SHISA9: variants seen among roughly 807,000 people sequenced by gnomAD.
SHISA9 encodes the protein protein shisa-9.
SHISA9 carries 13 observed loss-of-function variants against 38.0 expected under a neutral mutation model. The ratio of observed to expected loss-of-function variants is 0.34; its 90% confidence interval spans 0.22 to 0.54. The LOEUF (loss-of-function observed/expected upper bound fraction) is 0.54, where lower values mean the gene tolerates loss of function less well. Among genes scored for constraint, SHISA9 ranks in the 20% least tolerant of loss-of-function variants. The pLI is 0.91. For missense variants in SHISA9, 538 were observed against 575.8 expected (o/e 0.93, Z 0.67); for synonymous variants, 275 against 242.0 (o/e 1.14, Z -1.27).
the SHISA9 span, among the ~76,000 whole-genome samples, chr16:13,247,410 T>C: frequency 1.3e-5 from 2 of 152,132 alleles, no homozygotes; most frequent in South Asian, 2.1e-4. Context: ...GGTTCATAAC[T>C]CCATTTTAAA....
the SHISA9 span, among the ~76,000 whole-genome samples, chr16:13,314,466 C>T: frequency 2.6e-5 from 4 of 152,084 alleles, no homozygotes; most frequent in Admixed American, 1.3e-4. Context: ...TCTCAAACTC[C>T]TGACCTTTGG....
chr16:13,539,503 G>A, the SHISA9 span, among the ~76,000 whole-genome samples: 2 of 151,618 alleles, frequency 1.3e-5, no homozygotes, highest in African/African-American at 4.8e-5. Flanking sequence ...GTTGACATTA[G>A]CATGTCATGT....
At chr16:13,013,851 C>A (rs1215588064) in intron 2 of SHISA9, among the ~76,000 whole-genome samples, 1 of 152,172 alleles carries the variant, frequency 6.6e-6, no homozygotes, top group African/African-American at 2.4e-5. Context: ...CCTCAGCCTC[C>A]TGAGTAGCTG....
chr16:13,499,414 A>C, the SHISA9 span, among the ~76,000 whole-genome samples: 2 of 152,208 alleles, frequency 1.3e-5, no homozygotes, highest in African/African-American at 4.8e-5. Flanking sequence ...AGTGTTATTT[A>C]AGATTAAATG....
At chr16:13,197,104 T>TATACACACACACACACAC (rs748572860) in intron 2 of SHISA9, among the ~76,000 whole-genome samples, 18 of 106,578 alleles carry the variant, frequency 1.7e-4, no homozygotes, top group Admixed American at 4.3e-4. Context: ...TCTCTGTACA[T>TATACACACACACACACAC]ACACACACAC....
intron 2 of SHISA9, among the ~76,000 whole-genome samples, chr16:13,073,861 G>A (rs980654590): frequency 2.6e-5 from 4 of 152,020 alleles, no homozygotes; most frequent in South Asian, 2.1e-4. Context: ...CATGGGACAG[G>A]TTCTCCTGCA....
chr16:13,159,486 C>G (rs1165607654), intron 2 of SHISA9, among the ~76,000 whole-genome samples: 1 of 152,204 alleles, frequency 6.6e-6, no homozygotes, highest in Non-Finnish European at 1.5e-5. Flanking sequence ...GTTTGGTTCT[C>G]AGGAGGAGGT....
chr16:13,109,382 C>G (rs536545182), intron 2 of SHISA9, among the ~76,000 whole-genome samples: 2 of 152,254 alleles, frequency 1.3e-5, no homozygotes, highest in East Asian at 3.9e-4. Flanking sequence ...CTCATTCACT[C>G]ATTTCTCCTT....
At chr16:12,959,471 C>G (rs2071879900) in intron 2 of SHISA9, among the ~76,000 whole-genome samples, 1 of 152,226 alleles carries the variant, frequency 6.6e-6, no homozygotes, top group South Asian at 2.1e-4. Context: ...AATCACCCCT[C>G]TACTGTCCAC....
intron 2 of SHISA9, among the ~76,000 whole-genome samples, chr16:12,957,774 C>A (rs1353251239): frequency 5.3e-5 from 8 of 152,098 alleles, no homozygotes; most frequent in Non-Finnish European, 1.5e-5. Flanking sequence ...GGCTGGAAGT[C>A]CAAGATCAAG....
the SHISA9 span, among the ~76,000 whole-genome samples, chr16:13,403,124 A>C: frequency 1.4e-3 from 205 of 150,992 alleles, no homozygotes; most frequent in African/African-American, 4.8e-3. Flanking sequence ...AAAAAAAAAA[A>C]CCAAAGAAAT....
chr16:13,017,144 C>T (rs1305864505), intron 2 of SHISA9, among the ~76,000 whole-genome samples: 1 of 151,920 alleles, frequency 6.6e-6, no homozygotes, highest in Non-Finnish European at 1.5e-5. Flanking sequence ...TTCAGCCTTC[C>T]AAGTAGCTGG....
chr16:13,086,952 A>G (rs1396593762), intron 2 of SHISA9, among the ~76,000 whole-genome samples: 1 of 151,444 alleles, frequency 6.6e-6, no homozygotes, highest in Non-Finnish European at 1.5e-5. Flanking sequence ...TCCTAATGCT[A>G]TCCCTCCCCA....
chr16:13,437,458 G>C, the SHISA9 span, among the ~76,000 whole-genome samples: 2 of 151,938 alleles, frequency 1.3e-5, no homozygotes, highest in Non-Finnish European at 2.9e-5. Context: ...CCAATTTTAC[G>C]GATGAAAAAC....
At chr16:13,547,401 A>T in the SHISA9 span, among the ~76,000 whole-genome samples, 1 of 152,128 alleles carries the variant, frequency 6.6e-6, no homozygotes, top group Admixed American at 6.5e-5. Context: ...AGCTCATGAG[A>T]TTATGGAGGA....
the SHISA9 span, among the ~76,000 whole-genome samples, chr16:13,492,814 GA>G: frequency 2.0e-5 from 3 of 152,186 alleles, no homozygotes; most frequent in Non-Finnish European, 4.4e-5. Flanking sequence ...GCTGAGATTT[GA>G]ATGACAAGAA....
intron 2 of SHISA9, among the ~76,000 whole-genome samples, chr16:13,092,431 T>C (rs2073784384): frequency 6.6e-6 from 1 of 152,168 alleles, no homozygotes; most frequent in Non-Finnish European, 1.5e-5. Context: ...CCCACAGAGG[T>C]GGAATCTAGA....
the SHISA9 span, among the ~76,000 whole-genome samples, chr16:13,362,791 T>C: frequency 2.0e-5 from 3 of 152,334 alleles, no homozygotes; most frequent in Non-Finnish European, 4.4e-5. Context: ...AGTCCCGTTC[T>C]TTTCATCTTC....
chr16:13,518,449 A>G, the SHISA9 span, among the ~76,000 whole-genome samples: 1 of 152,104 alleles, frequency 6.6e-6, no homozygotes, highest in Non-Finnish European at 1.5e-5. Context: ...AGGACCAGAA[A>G]AACCTCTTTT....
Sources: gnomAD v4.1 joint callset for allele counts (sites outside exome capture counted in the v4.1 genomes callset) on GRCh38, gnomAD v4.1.1 for gene constraint, MANE v1.5 for transcripts, NCBI Gene and HGNC (gene_info 2026-07-23, HGNC 2026-07-21) for gene names.